The following ST7L variants were observed in gnomAD, a reference collection of about 807,000 sequenced individuals.
ST7L encodes the protein suppression of tumorigenicity 7 like.
ST7L carries 57 observed loss-of-function variants against 72.5 expected under a neutral mutation model. The observed-to-expected ratio is 0.79, with a 90% CI of 0.64 to 0.98. The LOEUF is 0.98. Among genes scored for constraint, ST7L ranks in the 50% least tolerant of loss-of-function variants. The probability of loss-of-function intolerance (pLI) is 0.00; values close to 1 mark genes in which losing one functional copy is unlikely to be tolerated. For missense variants in ST7L, 576 were observed against 672.2 expected (o/e 0.86, Z 1.58); for synonymous variants, 221 against 240.9 (o/e 0.92, Z 0.77).
chr1:112,523,315 G>C (rs183691123), downstream of ST7L: 60 of 143,536 alleles, frequency 4.2e-4, no homozygotes, highest in African/African-American at 1.6e-3. Flanking sequence ...AGAGCAAGCT[G>C]TCCAGAGAGT....
intron 14 of ST7L, among the ~76,000 whole-genome samples, chr1:112,541,056 G>A (rs542349654): frequency 2.0e-5 from 3 of 152,248 alleles, no homozygotes; most frequent in Non-Finnish European, 2.9e-5. Context: ...AGGCTGAGGC[G>A]GGCAGATCAC....
intron 11 of ST7L, among the ~76,000 whole-genome samples, chr1:112,564,818 A>C (rs1347449059): frequency 8.8e-6 from 1 of 113,250 alleles, no homozygotes; most frequent in Non-Finnish European, 1.7e-5. Context: ...ACTGCATCTC[A>C]AAAAAAAAAA....
chr1:112,601,337 C>T lies in ST7L; in HGVS notation c.452-489G>A, dbSNP rs12034324. 1.4e-3 allele frequency among the ~76,000 whole-genome samples: 207 copies of T among 152,254 alleles called. 6 individuals are homozygous for T. In the East Asian group the frequency reaches 0.032, roughly 24 times the overall value. On this transcript the variant is annotated intron_variant, in intron 3 of 14. Coordinates refer to ENST00000358039, the MANE Select transcript of ST7L (RefSeq NM_017744.5). The stretch of plus-strand genomic sequence containing the variant: ...CTCAGCTCACTGCAAGCTCCATCTC[C>T]CGGGTTCACGCCATTCTCCAGCCTC...
chr1:112,556,768 G>A (rs1283216079), intron 11 of ST7L, among the ~76,000 whole-genome samples: 2 of 151,838 alleles, frequency 1.3e-5, no homozygotes, highest in African/African-American at 4.8e-5. Context: ...AGGAAATCGA[G>A]ATCATCCTGA....
At chr1:112,541,479 T>C (rs922766722) in intron 14 of ST7L, among the ~76,000 whole-genome samples, 1 of 152,168 alleles carries the variant, frequency 6.6e-6, no homozygotes, top group Non-Finnish European at 1.5e-5. Context: ...CTTTGAGACA[T>C]AGGCACATTC....
chr1:112,617,137 A>G (rs1670006547), intron 1 of ST7L: 1 of 250,938 alleles, frequency 4.0e-6, no homozygotes, highest in Admixed American at 5.5e-5. Context: ...CTTATAAGTC[A>G]TAATTTAGAT....
At chr1:112,606,162 C>A (rs1668206966) in intron 3 of ST7L, among the ~76,000 whole-genome samples, 1 of 152,168 alleles carries the variant, frequency 6.6e-6, no homozygotes, top group Admixed American at 6.5e-5. Context: ...TCAACCACAT[C>A]CCTACTATTG....
chr1:112,611,633 A>C (rs1669073112), intron 2 of ST7L, among the ~76,000 whole-genome samples: 1 of 152,164 alleles, frequency 6.6e-6, no homozygotes, highest in South Asian at 2.1e-4. Flanking sequence ...TCCATGGTTT[A>C]TCACTGATAT....
chr1:112,594,864 A>G (rs1279751232), intron 5 of ST7L, among the ~76,000 whole-genome samples: 2 of 152,210 alleles, frequency 1.3e-5, no homozygotes, highest in African/African-American at 4.8e-5. Context: ...TTTGACAGAA[A>G]TATAATTAAA....
At position 112,569,969 on chromosome 1, in the gene ST7L, A is replaced by C. The variant is rs556735506; in HGVS notation, c.1245+7017T>G. ...GAAGATTCTGTCTCAAAAAAAAAAA[A>C]AAAAACAAAAAAACTATGAAACCAT... On this transcript the variant is annotated intron_variant, in intron 11 of 14. Transcript: ENST00000358039. 1.5e-4 allele frequency among the ~76,000 whole-genome samples: 22 copies of C among 151,608 alleles called. 1 individual carries two copies. Among genetic ancestry groups the C allele is most frequent in the African/African-American group, 4.3e-4 (18 of 41,468 alleles).
intron 13 of ST7L, among the ~76,000 whole-genome samples, chr1:112,549,107 T>C (rs1657656743): frequency 6.6e-6 from 1 of 152,002 alleles, no homozygotes; most frequent in Admixed American, 6.6e-5. Context: ...CTAAATAATA[T>C]TGGGGCCAGC....
rs116099112 is a variant in ST7L at position 112,614,942 on chromosome 1, T to C, written c.288+1871A>G. On this transcript the variant is annotated intron_variant, in intron 2 of 14. Coordinates refer to ENST00000358039, the MANE Select transcript of ST7L (RefSeq NM_017744.5). Reference sequence around the variant, plus strand: ...AACGTGAATTATAAAAAATATTTTATTTTTTTTAAATTAAAAATATCTTCT... The same window carrying C: ...AACGTGAATTATAAAAAATATTTTACTTTTTTTAAATTAAAAATATCTTCT... 7.2e-5 allele frequency among the ~76,000 whole-genome samples: 11 copies of C among 152,120 alleles called. No individual in the cohort carries two copies. In the South Asian group the frequency reaches 2.1e-3, roughly 29 times the overall value.
intron 11 of ST7L, among the ~76,000 whole-genome samples, chr1:112,574,875 T>G (rs1328106711): frequency 6.6e-6 from 1 of 152,172 alleles, no homozygotes; most frequent in Non-Finnish European, 1.5e-5. Flanking sequence ...GCATTTACTT[T>G]GTAATAAATC....
chr1:112,611,517 CA>C (rs1486053550), intron 2 of ST7L, among the ~76,000 whole-genome samples: 2 of 152,036 alleles, frequency 1.3e-5, no homozygotes, highest in African/African-American at 2.4e-5. Context: ...CTTTCTGAAG[CA>C]AAAAGTACTA....
chr1:112,573,880 C>G (rs1662584019), intron 11 of ST7L, among the ~76,000 whole-genome samples: 1 of 148,350 alleles, frequency 6.7e-6, no homozygotes, highest in Non-Finnish European at 1.5e-5. Flanking sequence ...GGCATGAGAG[C>G]AAGACCCTGT....
chr1:112,595,370 G>GAA lies in ST7L; in HGVS notation c.622+2599_622+2600dup, dbSNP rs67553307. On this transcript the variant is annotated intron_variant, in intron 5 of 14. Transcript: ENST00000358039. ...ACAAAAGCAAAACTTGGTCTCAAAA[G>GAA]AAAAAAAAAAAAAAAAAAAAAAAAA... is the stretch of plus-strand genomic sequence containing the variant. Among the ~76,000 whole-genome samples the GAA allele has an allele frequency of 4.8e-3, 250 of 52,026 alleles. 28 individuals carry two copies. Among genetic ancestry groups the GAA allele is most frequent in the East Asian group, 0.048 (80 of 1,668 alleles). The allele number at this position is 52,026 out of a possible 152,430, so 34.1% of individuals were successfully genotyped here.
chr1:112,618,524 G>A (rs1384802761), intron 1 of ST7L, among the ~76,000 whole-genome samples: 1 of 152,168 alleles, frequency 6.6e-6, no homozygotes, highest in African/African-American at 2.4e-5. Flanking sequence ...AGTTCTTTCA[G>A]CTGGGCAGCG....
intron 13 of ST7L, among the ~76,000 whole-genome samples, chr1:112,549,024 T>C (rs1234817252): frequency 1.3e-5 from 2 of 150,784 alleles, no homozygotes; most frequent in African/African-American, 4.8e-5. Context: ...TGTGTGTGTG[T>C]GTGAAAAATC....
chr1:112,532,873 C>T (rs944286237), intron 14 of ST7L, among the ~76,000 whole-genome samples: 1 of 152,116 alleles, frequency 6.6e-6, no homozygotes, highest in African/African-American at 2.4e-5. Context: ...GGAACACACC[C>T]AAGTTTCCTA....
Sources: gnomAD v4.1 joint callset for allele counts (sites outside exome capture counted in the v4.1 genomes callset) on GRCh38, gnomAD v4.1.1 for gene constraint, MANE v1.5 for transcripts, NCBI Gene and HGNC (gene_info 2026-07-23, HGNC 2026-07-21) for gene names.